MAD1L1: variants seen among roughly 807,000 people sequenced by gnomAD.
MAD1L1 encodes the protein mitotic spindle assembly checkpoint protein MAD1.
MAD1L1 carries 95 observed loss-of-function variants against 96.9 expected under a neutral mutation model. That is an observed-to-expected ratio of 0.98 (90% CI 0.83 to 1.16). MAD1L1 has a LOEUF of 1.16. MAD1L1 is among the 50% of genes most tolerant of loss of function. The pLI, the probability that MAD1L1 is intolerant of heterozygous loss-of-function variation, is 0.00. For synonymous variants in MAD1L1, 473 were observed against 396.6 expected (o/e 1.19, Z -2.29); for missense variants, 1,007 against 954.4 (o/e 1.06, Z -0.73).
At chr7:1,987,463 A>G (rs1206412391) in intron 14 of MAD1L1, among the ~76,000 whole-genome samples, 1 of 152,236 alleles carries the variant, frequency 6.6e-6, no homozygotes, top group Non-Finnish European at 1.5e-5. Flanking sequence ...TGAAGCGAAG[A>G]GAGCCGCCCA....
chr7:1,844,817 C>T (rs901986283), intron 18 of MAD1L1, among the ~76,000 whole-genome samples: 38 of 152,194 alleles, frequency 2.5e-4, no homozygotes, highest in Admixed American at 1.8e-3. Context: ...AGGGCTGTGG[C>T]CGTACCGTGC....
At chr7:2,049,058 C>A (rs1784055451) in intron 12 of MAD1L1, among the ~76,000 whole-genome samples, 3 of 152,228 alleles carry the variant, frequency 2.0e-5, no homozygotes, top group Non-Finnish European at 4.4e-5. Context: ...CTACCTCACA[C>A]ATATATTTGA....
At chr7:2,220,539 C>T (rs111809222) in intron 5 of MAD1L1, among the ~76,000 whole-genome samples, 1 of 152,232 alleles carries the variant, frequency 6.6e-6, no homozygotes, top group South Asian at 2.1e-4. Context: ...CTGGGGACCA[C>T]GCACCCAGGA....
Position 1,898,275 on chromosome 7 carries a change from G to T in MAD1L1, c.1923C>A (p.Ile641=). The change falls in exon 18 of 19, where the codon ATC becomes ATA. Residue 641 remains isoleucine, a synonymous_variant. Coordinates refer to ENST00000265854, the MANE Select transcript of MAD1L1 (RefSeq NM_001013836.2). ...GGTACTGGTTCTCCGTGGTGATGTC[G>T]ATCTGGTAGCCGGTGAGCGTGTAGC... is the stretch of plus-strand genomic sequence containing the variant. ...KACYTLTGYQ[I]DITTENQYRL... is the part of the protein sequence containing the mutation. 1.2e-6 allele frequency: 2 copies of T among 1,614,170 alleles called. No individual in the cohort carries two copies. The highest frequency in any genetic ancestry group is 1.1e-5 in the South Asian group (1 of 91,072).
intron 15 of MAD1L1, among the ~76,000 whole-genome samples, chr7:1,963,498 G>A (rs1183603570): frequency 2.0e-5 from 3 of 152,172 alleles, no homozygotes; most frequent in Non-Finnish European, 2.9e-5. Flanking sequence ...ATGTGGTAAC[G>A]GCTCCATGGG....
chr7:2,109,905 T>C (rs1787290336), intron 11 of MAD1L1, among the ~76,000 whole-genome samples: 2 of 152,360 alleles, frequency 1.3e-5, no homozygotes, highest in African/African-American at 4.8e-5. Flanking sequence ...ACAAGAAGTC[T>C]GAGAGTTGGC....
At chr7:2,115,614 C>T (rs576301481) in intron 11 of MAD1L1, among the ~76,000 whole-genome samples, 9 of 151,766 alleles carry the variant, frequency 5.9e-5, no homozygotes, top group South Asian at 2.1e-4. Flanking sequence ...CCGCGTGTTC[C>T]CCGGTCACAG....
chr7:1,878,240 T>C (rs1394019192), intron 18 of MAD1L1, among the ~76,000 whole-genome samples: 1 of 151,380 alleles, frequency 6.6e-6, no homozygotes, highest in Non-Finnish European at 1.5e-5. Flanking sequence ...TTCTATCAGA[T>C]ATTTAGGGAA....
intron 18 of MAD1L1, among the ~76,000 whole-genome samples, chr7:1,819,611 G>A (rs1349090226): frequency 6.6e-6 from 1 of 152,194 alleles, no homozygotes; most frequent in African/African-American, 2.4e-5. Context: ...CTCACTCGGT[G>A]CCTAGGGCTG....
At chr7:1,922,547 T>A (rs1788858730) in intron 17 of MAD1L1, among the ~76,000 whole-genome samples, 1 of 152,160 alleles carries the variant, frequency 6.6e-6, no homozygotes, top group Admixed American at 6.5e-5. Context: ...GCTCGACTCG[T>A]TTTTATCTTG....
intron 17 of MAD1L1, among the ~76,000 whole-genome samples, chr7:1,935,419 C>T (rs1301398750): frequency 2.6e-5 from 4 of 152,210 alleles, no homozygotes. Flanking sequence ...TTTTGTCCTC[C>T]AACCCCACCA....
chr7:2,205,420 T>C lies in MAD1L1; in HGVS notation c.986+7792A>G, dbSNP rs143120772. Among the ~76,000 whole-genome samples, 566 of 152,268 alleles carry C rather than the reference T, an allele frequency of 3.7e-3. 4 individuals carry two copies. The highest frequency in any genetic ancestry group is 6.3e-3 in the Non-Finnish European group (430 of 68,020). ...ACTGGTCTTTGGGATATTTTTCAGA[T>C]TTAGCATTTCAGCAGATCAAGAGAT... is the stretch of plus-strand genomic sequence containing the variant. On this transcript the variant is annotated intron_variant, in intron 10 of 18. Coordinates refer to ENST00000265854, the MANE Select transcript of MAD1L1 (RefSeq NM_001013836.2).
chr7:1,950,914 C>G (rs1779465037), intron 16 of MAD1L1, among the ~76,000 whole-genome samples: 2 of 152,382 alleles, frequency 1.3e-5, no homozygotes, highest in Admixed American at 1.3e-4. Context: ...CCTGAGCTCC[C>G]ACCACGGCAG....
At chr7:2,041,725 C>A (rs1324326037) in intron 12 of MAD1L1, among the ~76,000 whole-genome samples, 1 of 152,234 alleles carries the variant, frequency 6.6e-6, no homozygotes, top group Non-Finnish European at 1.5e-5. Flanking sequence ...GGCATACCAT[C>A]AGGTGTCAGG....
chr7:1,974,384 T>TA (rs1404161230), intron 15 of MAD1L1, among the ~76,000 whole-genome samples: 1 of 152,092 alleles, frequency 6.6e-6, no homozygotes, highest in Non-Finnish European at 1.5e-5. Context: ...AACAGCAACT[T>TA]AGAGCAACAG....
chr7:1,881,394 C>T lies in MAD1L1; in HGVS notation c.1998+16806G>A, dbSNP rs186001147. Among the ~76,000 whole-genome samples the T allele has an allele frequency of 3.5e-3, 529 of 152,220 alleles. 1 individual carries two copies. The highest frequency in any genetic ancestry group is 3.8e-3 in the Non-Finnish European group (261 of 68,008). On this transcript the variant is annotated intron_variant, in intron 18 of 18. Coordinates refer to ENST00000265854, the MANE Select transcript of MAD1L1 (RefSeq NM_001013836.2). ...AGCATAAATGGGTTAATAATTTATC[C>T]AATTAATTAATTTTATCCAAACTAA... is the stretch of plus-strand genomic sequence containing the variant.
At chr7:1,925,506 A>G (rs1430532437) in intron 17 of MAD1L1, among the ~76,000 whole-genome samples, 1 of 152,206 alleles carries the variant, frequency 6.6e-6, no homozygotes, top group African/African-American at 2.4e-5. Flanking sequence ...GCGCCATCAC[A>G]TGGTGGACGG....
At chr7:2,214,308 G>A (rs531002983) in intron 9 of MAD1L1, among the ~76,000 whole-genome samples, 10 of 152,280 alleles carry the variant, frequency 6.6e-5, no homozygotes, top group East Asian at 3.9e-4. Context: ...AAAAGATGTC[G>A]CATGGGAGCT....
chr7:2,165,915 G>A (rs868724458), intron 10 of MAD1L1, among the ~76,000 whole-genome samples: 1 of 152,144 alleles, frequency 6.6e-6, no homozygotes, highest in Non-Finnish European at 1.5e-5. Flanking sequence ...CGGCCCCCAG[G>A]GTACACCTGT....
Sources: gnomAD v4.1 joint callset for allele counts (sites outside exome capture counted in the v4.1 genomes callset) on GRCh38, gnomAD v4.1.1 for gene constraint, MANE v1.5 for transcripts, NCBI Gene and HGNC (gene_info 2026-07-23, HGNC 2026-07-21) for gene names.